RNF145: variants seen among roughly 807,000 people sequenced by gnomAD.
RNF145 encodes ring finger protein 145.
Under a neutral mutation model 57.3 loss-of-function variants are expected in RNF145, and 12 were observed. The observed-to-expected ratio is 0.21, with a 90% CI of 0.13 to 0.34. RNF145 has a LOEUF of 0.34. RNF145 is among the 10% of genes least tolerant of loss of function. RNF145 has a pLI of 1.00. For synonymous variants in RNF145, 262 were observed against 288.3 expected, an observed-to-expected ratio of 0.91 and a Z score of 0.92; for missense variants, 429 against 799.0, an observed-to-expected ratio of 0.54 and a Z score of 5.58.
chr5:159,180,472 C>T lies in RNF145; in HGVS notation c.385+1488G>A, dbSNP rs75064382. On this transcript the variant is annotated intron_variant, in intron 4 of 10. Coordinates refer to ENST00000424310, the MANE Select transcript of RNF145 (RefSeq NM_001199383.2). ...TCACAAGAAACTTACATCCTTTGCT[C>T]TACAATTTCCTGTATCAGAAGATAC... Among the ~76,000 whole-genome samples the T allele has an allele frequency of 2.5e-3, 387 of 152,166 alleles. 2 individuals carry two copies. Among genetic ancestry groups the T allele is most frequent in the African/African-American group, 8.4e-3 (350 of 41,530 alleles).
Position 159,203,643 on chromosome 5 carries a change from T to C in RNF145, c.-26A>G, listed in dbSNP as rs1785753459. 6.3e-7 allele frequency: 1 copy of C among 1,591,690 alleles called. No individual in the cohort carries two copies. The highest frequency in any genetic ancestry group is 1.4e-5 in the African/African-American group (1 of 73,132). ...GTTGTTTTTTTTTTTCTTTTTTTTT[T>C]TCTTGGAGAAGACCTAAAATTCAGA... On this transcript the variant is annotated 5_prime_UTR_variant, in exon 2 of 11. Coordinates refer to ENST00000424310, the MANE Select transcript of RNF145 (RefSeq NM_001199383.2).
chr5:159,196,229 GTTT>G (rs11360125), intron 2 of RNF145, among the ~76,000 whole-genome samples: 2 of 129,072 alleles, frequency 1.5e-5, no homozygotes, highest in African/African-American at 2.9e-5. Flanking sequence ...AATATTATGA[GTTT>G]TTTTTTTTTT....
intron 10 of RNF145, among the ~76,000 whole-genome samples, chr5:159,159,955 C>G (rs1338803580): frequency 6.6e-6 from 1 of 152,088 alleles, no homozygotes; most frequent in African/African-American, 2.4e-5. Context: ...GAAAGCCATC[C>G]AAGGAAAAGC....
At chr5:159,187,338 A>AT (rs1387054145) in intron 3 of RNF145, among the ~76,000 whole-genome samples, 1 of 150,224 alleles carries the variant, frequency 6.7e-6, no homozygotes, top group African/African-American at 2.4e-5. Context: ...AAGAAAAAAA[A>AT]TTTTTTTTTG....
At chr5:159,207,574 T>C in intron 1 of RNF145, 4 of 1,594,842 alleles carry the variant, frequency 2.5e-6, no homozygotes, top group Non-Finnish European at 3.4e-6. Context: ...GTCCATCGGT[T>C]AGGATGGTAG....
intron 1 of RNF145, among the ~76,000 whole-genome samples, chr5:159,205,800 T>G (rs1785859392): frequency 6.6e-6 from 1 of 152,204 alleles, no homozygotes; most frequent in South Asian, 2.1e-4. Context: ...ATTTAACACT[T>G]GTAGCCCATA....
intron 1 of RNF145, chr5:159,207,488 C>G: frequency 6.5e-7 from 1 of 1,526,776 alleles, no homozygotes; most frequent in Non-Finnish European, 8.8e-7. Context: ...TATCTCCTTT[C>G]TTTCTCCCAA....
chr5:159,207,459 A>G, intron 1 of RNF145: 1 of 1,499,542 alleles, frequency 6.7e-7, no homozygotes, highest in Non-Finnish European at 9.0e-7. Flanking sequence ...AAAGAAAAAC[A>G]AAAATCATCA....
chr5:159,169,582 T>C (rs1005129708), intron 7 of RNF145, 97 bp downstream of exon 7: 71 of 1,073,536 alleles, frequency 6.6e-5, no homozygotes, highest in Non-Finnish European at 9.2e-5. Flanking sequence ...TCCAATTCCA[T>C]TTCTTCTAAA....
chr5:159,209,628 GC>G (rs1188336938), upstream of RNF145: 1 of 1,066,164 alleles, frequency 9.4e-7, no homozygotes. Flanking sequence ...TCCCGCGCGC[GC>G]CCGCGCTCAC....
intron 2 of RNF145, among the ~76,000 whole-genome samples, chr5:159,198,372 T>A (rs1228447188): frequency 6.6e-6 from 1 of 152,096 alleles, no homozygotes; most frequent in Non-Finnish European, 1.5e-5. Flanking sequence ...CTGATGAATC[T>A]AATAATTTCT....
intron 2 of RNF145, among the ~76,000 whole-genome samples, chr5:159,199,414 A>G (rs568140656): frequency 3.3e-5 from 5 of 152,128 alleles, no homozygotes; most frequent in Non-Finnish European, 5.9e-5. Context: ...CACTTTCAAG[A>G]AAGAGGAAGT....
chr5:159,194,302 G>A (rs1486767821), intron 3 of RNF145, among the ~76,000 whole-genome samples: 2 of 152,202 alleles, frequency 1.3e-5, no homozygotes, highest in Non-Finnish European at 1.5e-5. Flanking sequence ...CTCCCGAGTA[G>A]ATGGGATTAC....
chr5:159,170,410 ATT>A (rs1169791319), intron 6 of RNF145, among the ~76,000 whole-genome samples: 1 of 152,228 alleles, frequency 6.6e-6, no homozygotes, highest in Non-Finnish European at 1.5e-5. Context: ...TTGAAAAGTA[ATT>A]TTAATATTAA....
chr5:159,200,358 T>C (rs1040018340), intron 2 of RNF145, among the ~76,000 whole-genome samples: 4 of 152,090 alleles, frequency 2.6e-5, no homozygotes, highest in African/African-American at 9.7e-5. Context: ...AGCGTGTTAA[T>C]AGTTCACAAA....
rs1306342003 is a variant in RNF145, at chr5:159,161,541, T to C, written c.1351A>G (p.Ile451Val). ...CGGTAAGTGCCATTCACATAGTAGA[T>C]GACATCATCCATGTTTTCCACTGGC... ...KEPVENMDDV[I>V]YYVNGTYRLL... is the part of the protein sequence containing the mutation. Residue 451 changes from isoleucine (I) to valine (V), a missense_variant, in exon 10 of 11, where the codon ATC becomes GTC. Transcript: ENST00000424310. 6.2e-7 allele frequency: 1 copy of C among 1,613,780 alleles called. No individual in the cohort carries two copies. The highest frequency in any genetic ancestry group is 8.5e-7 in the Non-Finnish European group (1 of 1,179,936).
At chr5:159,198,208 C>T (rs1178523481) in intron 2 of RNF145, among the ~76,000 whole-genome samples, 1 of 151,666 alleles carries the variant, frequency 6.6e-6, no homozygotes, top group South Asian at 2.1e-4. Flanking sequence ...TACCACTGCA[C>T]TCCAATCTGG....
intron 2 of RNF145, among the ~76,000 whole-genome samples, chr5:159,199,485 T>C (rs1785589148): frequency 6.6e-6 from 1 of 152,112 alleles, no homozygotes; most frequent in Non-Finnish European, 1.5e-5. Context: ...GAGGGTTGAA[T>C]TTTACATTTT....
intron 6 of RNF145, 39 bp downstream of exon 6, chr5:159,173,944 C>A (rs1164996488): frequency 7.3e-7 from 1 of 1,363,030 alleles, no homozygotes; most frequent in East Asian, 2.5e-5. Flanking sequence ...TTTTCTCTTT[C>A]TAAGGTTATA....
Sources: gnomAD v4.1 joint callset for allele counts (sites outside exome capture counted in the v4.1 genomes callset) on GRCh38, gnomAD v4.1.1 for gene constraint, MANE v1.5 for transcripts, NCBI Gene and HGNC (gene_info 2026-07-23, HGNC 2026-07-21) for gene names.